ZBTB16: variants seen among roughly 807,000 people sequenced by gnomAD.
The protein encoded by ZBTB16 is zinc finger and BTB domain containing 16, also known as zinc finger and BTB domain-containing protein 16.
A neutral mutation model predicts 56.8 loss-of-function variants in ZBTB16; 8 were observed. That is an observed-to-expected ratio of 0.14 (90% CI 0.08 to 0.25). ZBTB16 has a LOEUF of 0.25. Among genes scored for constraint, ZBTB16 ranks in the 10% least tolerant of loss-of-function variants. The pLI is 1.00. For synonymous variants in ZBTB16, 363 were observed against 368.5 expected (o/e 0.98, Z 0.17); for missense variants, 625 against 903.0 (o/e 0.69, Z 3.95).
rs141728659 is a variant in ZBTB16, at chr11:114,142,486, C to T, written c.1269-13851C>T. 1.5e-4 allele frequency among the ~76,000 whole-genome samples: 23 copies of T among 152,278 alleles called. 1 individual carries two copies. In the East Asian group the frequency reaches 2.3e-3, roughly 15 times the overall value. The stretch of plus-strand genomic sequence containing the variant: ...AACGGTGATTTATAGGGCAGCATGC[C>T]GCTTTAGCTCAGAAATGAGGTGTTC... On this transcript the variant is annotated intron_variant, in intron 2 of 6. Transcript: ENST00000335953.
chr11:114,172,199 C>T (rs987484684), intron 3 of ZBTB16, among the ~76,000 whole-genome samples: 2 of 152,244 alleles, frequency 1.3e-5, no homozygotes, highest in Non-Finnish European at 2.9e-5. Flanking sequence ...CGACCGCACA[C>T]AGCTGGCCAT....
Position 114,064,279 on chromosome 11 carries a change from C to T in ZBTB16, c.979C>T (p.Pro327Ser). 6.2e-7 allele frequency: 1 copy of T among 1,614,118 alleles called. No homozygotes were observed. Among genetic ancestry groups the T allele is most frequent in the Non-Finnish European group, 8.5e-7 (1 of 1,180,030 alleles). Residue 327 changes from proline (P) to serine (S), a missense_variant, in exon 2 of 7, where the codon CCT (proline) becomes TCT (serine). Pro to Ser is a moderately conservative substitution (Grantham distance 74, BLOSUM62 -1). Transcript: ENST00000335953. The surrounding 1 kb of genome is among the most constrained non-coding windows in gnomAD (Gnocchi z 4.2). Reference protein sequence around the residue: ...TGRPEHPAPPPEKHLGIYSVL... With the variant: ...TGRPEHPAPPSEKHLGIYSVL... Reference sequence around the variant, plus strand: ...CCGACCTGAGCACCCAGCACCCCCGCCTGAGAAGCATCTGGGCATCTACTC... The same window carrying T: ...CCGACCTGAGCACCCAGCACCCCCGTCTGAGAAGCATCTGGGCATCTACTC...
chr11:114,125,933 A>G (rs529448342), intron 2 of ZBTB16, among the ~76,000 whole-genome samples: 2 of 152,218 alleles, frequency 1.3e-5, no homozygotes, highest in Non-Finnish European at 2.9e-5. Context: ...AGGTGAAAAT[A>G]TCACTGCCTT....
chr11:114,115,931 C>A (rs963008437), intron 2 of ZBTB16, among the ~76,000 whole-genome samples: 1 of 152,186 alleles, frequency 6.6e-6, no homozygotes, highest in African/African-American at 2.4e-5. Context: ...CATTTTCGTG[C>A]AGAGCCATGG....
chr11:114,246,655 C>T (rs1944823164), intron 5 of ZBTB16: 1 of 162,524 alleles, frequency 6.2e-6, no homozygotes, highest in Non-Finnish European at 1.4e-5. Flanking sequence ...ATGAGCTGGG[C>T]TTTGAAGGAT....
Position 114,113,177 on chromosome 11 carries a change from G to A in ZBTB16, c.1269-43160G>A, listed in dbSNP as rs1205685891. On this transcript the variant is annotated intron_variant, in intron 2 of 6. Transcript: ENST00000335953. The stretch of plus-strand genomic sequence containing the variant: ...TCTTAGAGTGTCATGTGATAGCAGA[G>A]ATGCTGTCTTCTGTCTCACTCGTCT... Among the ~76,000 whole-genome samples, 3 of 152,336 alleles carry A rather than the reference G, an allele frequency of 2.0e-5. No homozygotes were observed. The East Asian group carries it at 5.8e-4, about 29-fold the overall frequency.
At chr11:114,154,016 C>T (rs1378067865) in intron 2 of ZBTB16, among the ~76,000 whole-genome samples, 1 of 152,138 alleles carries the variant, frequency 6.6e-6, no homozygotes, top group African/African-American at 2.4e-5. Flanking sequence ...CAAGCCAATC[C>T]AGTTGGCCAC....
At position 114,063,257 on chromosome 11, in the gene ZBTB16, C is replaced by A. The variant is rs1938954291; in HGVS notation, c.-44C>A. 1 of 1,608,336 alleles carries A rather than the reference C, an allele frequency of 6.2e-7. No individual in the cohort carries two copies. The highest frequency in any genetic ancestry group is 8.5e-7 in the Non-Finnish European group (1 of 1,178,240). On this transcript the variant is annotated 5_prime_UTR_variant, in exon 2 of 7. Coordinates refer to ENST00000335953, the MANE Select transcript of ZBTB16 (RefSeq NM_006006.6). This position sits in a 1 kb window ranked among gnomAD's most constrained non-coding sequence, Gnocchi z 6.5. Reference sequence around the variant, plus strand: ...GCCCACCCAGCCCCGCCACGCAGAGCCCAGAAGGAAAGAAAGCCTCATGCC... The same window carrying A: ...GCCCACCCAGCCCCGCCACGCAGAGACCAGAAGGAAAGAAAGCCTCATGCC...
At chr11:114,103,415 T>G (rs1265081786) in intron 2 of ZBTB16, among the ~76,000 whole-genome samples, 2 of 152,230 alleles carry the variant, frequency 1.3e-5, no homozygotes, top group African/African-American at 4.8e-5. Flanking sequence ...TTTTCCTTTT[T>G]TTGTGAGTAC....
rs1942029254 is a variant in ZBTB16 at position 114,143,934 on chromosome 11, G to A, written c.1269-12403G>A. On this transcript the variant is annotated intron_variant, in intron 2 of 6. Coordinates refer to ENST00000335953, the MANE Select transcript of ZBTB16 (RefSeq NM_006006.6). This position sits in a 1 kb window ranked among gnomAD's most constrained non-coding sequence, Gnocchi z 6.4. ...GTGCTCGTTGGGCCTCGAGTCACTG[G>A]TATTATGCATTTCCTGTGTGCTCGG... 6.6e-6 allele frequency among the ~76,000 whole-genome samples: 1 copy of A among 152,176 alleles called. No homozygotes were observed. The highest frequency in any genetic ancestry group is 2.4e-5 in the African/African-American group (1 of 41,434).
chr11:114,076,320 G>A (rs940506171), intron 2 of ZBTB16, among the ~76,000 whole-genome samples: 2 of 152,134 alleles, frequency 1.3e-5, no homozygotes, highest in African/African-American at 2.4e-5. Context: ...CCAGCGAGTC[G>A]GGCGGCTGGA....
chr11:114,207,424 G>C (rs1004457846), intron 4 of ZBTB16, among the ~76,000 whole-genome samples: 1 of 151,982 alleles, frequency 6.6e-6, no homozygotes, highest in Non-Finnish European at 1.5e-5. Flanking sequence ...GGCCCAGAAG[G>C]TTCCTCACAA....
At chr11:114,167,252 T>TTTTTG (rs1942797944) in intron 3 of ZBTB16, among the ~76,000 whole-genome samples, 1 of 134,604 alleles carries the variant, frequency 7.4e-6, no homozygotes, top group Non-Finnish European at 1.6e-5. Context: ...TTTTTTTTTT[T>TTTTTG]TGACAAGCTT....
chr11:114,134,053 G>C (rs960967473), intron 2 of ZBTB16, among the ~76,000 whole-genome samples: 1 of 152,196 alleles, frequency 6.6e-6, no homozygotes, highest in Non-Finnish European at 1.5e-5. Flanking sequence ...GAGCACAGCT[G>C]GTTGTGTCTC....
Position 114,060,845 on chromosome 11 carries a change from C to T in ZBTB16, c.-91+963C>T, listed in dbSNP as rs927920823. On this transcript the variant is annotated intron_variant, in intron 1 of 6. Transcript: ENST00000335953. This position sits in a 1 kb window ranked among gnomAD's most constrained non-coding sequence, Gnocchi z 6.0. ...CAGAGGCCTGGGACCCAGCCGGTCG[C>T]TCCCAGGGGGTCACGGCCCTGGGTC... 6.6e-6 allele frequency among the ~76,000 whole-genome samples: 1 copy of T among 152,064 alleles called. No homozygotes were observed. The highest frequency in any genetic ancestry group is 2.4e-5 in the African/African-American group (1 of 41,418).
At position 114,200,504 on chromosome 11, in the gene ZBTB16, G is replaced by T. The variant is rs533451468; in HGVS notation, c.1453+13466G>T. 2.4e-4 allele frequency among the ~76,000 whole-genome samples: 36 copies of T among 152,242 alleles called. 1 individual carries two copies. In the South Asian group the frequency reaches 6.6e-3, roughly 28 times the overall value. ...ATATAGTCATCAGGACACCACTAAG[G>T]GGGGCTTCACTGTCTGCATCACTGA... On this transcript the variant is annotated intron_variant, in intron 4 of 6. Transcript: ENST00000335953.
At chr11:114,148,144 T>C (rs1460478377) in intron 2 of ZBTB16, among the ~76,000 whole-genome samples, 4 of 152,160 alleles carry the variant, frequency 2.6e-5, no homozygotes, top group Admixed American at 2.0e-4. Context: ...TTGTCATTTC[T>C]GACATTGTGT....
chr11:114,109,933 C>T lies in ZBTB16; in HGVS notation c.1268+45365C>T, dbSNP rs189633355. Among the ~76,000 whole-genome samples, 360 of 152,232 alleles carry T rather than the reference C, an allele frequency of 2.4e-3. 8 individuals are homozygous for T. The highest frequency in any genetic ancestry group is 5.8e-4 in the East Asian group (3 of 5,184). On this transcript the variant is annotated intron_variant, in intron 2 of 6. Coordinates refer to ENST00000335953, the MANE Select transcript of ZBTB16 (RefSeq NM_006006.6). The stretch of plus-strand genomic sequence containing the variant: ...CTGAAGTATGTTAGAAGAGCAGGAC[C>T]GGAGGATAGAGCAGACGGGGGCCAC...
chr11:114,191,409 G>A (rs944902008), intron 4 of ZBTB16, among the ~76,000 whole-genome samples: 9 of 152,204 alleles, frequency 5.9e-5, no homozygotes, highest in Non-Finnish European at 1.3e-4. Context: ...TAGTACAGTA[G>A]CATGCTGTAA....
Sources: allele counts gnomAD v4.1 joint callset (sites outside exome capture counted in the v4.1 genomes callset), GRCh38; gene constraint gnomAD v4.1.1; non-coding constraint Gnocchi (gnomAD v3.1); transcripts MANE v1.5; gene names NCBI Gene and HGNC (gene_info 2026-07-23, HGNC 2026-07-21).